The following PAXBP1 variants were observed in gnomAD, a reference collection of about 807,000 sequenced individuals.
The protein encoded by PAXBP1 is PAX3- and PAX7-binding protein 1.
PAXBP1 carries 44 observed loss-of-function variants against 119.9 expected under a neutral mutation model. That is an observed-to-expected ratio of 0.37 (90% confidence interval 0.29 to 0.47). The LOEUF (loss-of-function observed/expected upper bound fraction) is 0.47, where lower values mean the gene tolerates loss of function less well. Ranked by LOEUF, PAXBP1 falls within the 20% of genes least tolerant of loss-of-function variation. The probability of loss-of-function intolerance (pLI) is 0.99; values close to 1 mark genes in which losing one functional copy is unlikely to be tolerated. For synonymous variants in PAXBP1, 393 were observed against 406.6 expected (o/e 0.97, Z 0.40); for missense variants, 898 against 1,134.1 (o/e 0.79, Z 2.99).
At chr21:32,756,058 T>G (rs2044038117) in intron 7 of PAXBP1, 1 of 206,312 alleles carries the variant, frequency 4.8e-6, no homozygotes, top group Non-Finnish European at 9.9e-6. Flanking sequence ...TTATAAAAAT[T>G]TCTTTACATG....
At chr21:32,736,662 A>G (rs2043697266) in intron 17 of PAXBP1, among the ~76,000 whole-genome samples, 1 of 152,220 alleles carries the variant, frequency 6.6e-6, no homozygotes, top group African/African-American at 2.4e-5. Flanking sequence ...ATGAAGATAT[A>G]TGAAATTAAA....
At chr21:32,769,759 G>A (rs935023642) in intron 2 of PAXBP1, 55 bp downstream of exon 2, 16 of 1,573,020 alleles carry the variant, frequency 1.0e-5, no homozygotes, top group Non-Finnish European at 1.4e-5. Flanking sequence ...AAATCACTGT[G>A]AGAAAGAGCT....
chr21:32,763,994 C>CAAAAAA (rs5843566), intron 3 of PAXBP1, among the ~76,000 whole-genome samples: 3 of 101,724 alleles, frequency 2.9e-5, no homozygotes, highest in Non-Finnish European at 4.2e-5. Context: ...CCTCAAAAAG[C>CAAAAAA]AAAAAAAAAA....
Position 32,759,971 on chromosome 21 carries a change from T to C in PAXBP1, c.999A>G (p.Glu333=). 1 of 1,613,934 alleles carries C rather than the reference T, an allele frequency of 6.2e-7. No homozygotes were observed. The highest frequency in any genetic ancestry group is 8.5e-7 in the Non-Finnish European group (1 of 1,179,836). Residue 333 remains glutamate, a synonymous_variant, in exon 6 of 18, where the codon GAA becomes GAG. Transcript: ENST00000331923. ...IPQVQASQPA[E]VNMYYQNTYQ... is the part of the protein sequence containing the mutation. ...AAGTGTTCTGGTAGTACATATTCAC[T>C]TCTGCGGGTTGACTGGCTTGAACCT...
intron 11 of PAXBP1, among the ~76,000 whole-genome samples, chr21:32,746,288 G>T (rs1276046809): frequency 6.6e-6 from 1 of 152,154 alleles, no homozygotes; most frequent in Non-Finnish European, 1.5e-5. Flanking sequence ...CAACTAAAGA[G>T]CTTCTACGCA....
chr21:32,762,467 A>C (rs1040637570), intron 3 of PAXBP1, 150 bp from the exon 4 acceptor site: 2 of 1,107,424 alleles, frequency 1.8e-6, no homozygotes, highest in Middle Eastern at 2.9e-4. Flanking sequence ...CTGCAATCCA[A>C]AAGATTGTTA....
intron 10 of PAXBP1, 93 bp from the exon 11 acceptor site, chr21:32,748,791 GT>G: frequency 8.9e-7 from 1 of 1,126,650 alleles, no homozygotes; most frequent in Non-Finnish European, 1.2e-6. Flanking sequence ...TGTAGCTTCA[GT>G]ATCAGAAGAT....
intron 7 of PAXBP1, chr21:32,755,913 C>T (rs1362301172): frequency 5.6e-6 from 1 of 178,200 alleles, no homozygotes; most frequent in Non-Finnish European, 1.2e-5. Flanking sequence ...AGCTTTATTA[C>T]AGATTTTTTA....
intron 8 of PAXBP1, among the ~76,000 whole-genome samples, chr21:32,753,698 A>C (rs1050899081): frequency 6.6e-6 from 1 of 152,222 alleles, no homozygotes; most frequent in Non-Finnish European, 1.5e-5. Context: ...TTTGGCAATT[A>C]ATGTATACTC....
At chr21:32,746,441 A>G (rs1313685698) in intron 11 of PAXBP1, among the ~76,000 whole-genome samples, 1 of 152,216 alleles carries the variant, frequency 6.6e-6, no homozygotes, top group Non-Finnish European at 1.5e-5. Flanking sequence ...AAAGTGGGCA[A>G]AGGACATGAA....
At chr21:32,751,638 G>A (rs947144302) in intron 8 of PAXBP1, 1 of 154,614 alleles carries the variant, frequency 6.5e-6, no homozygotes, top group African/African-American at 2.4e-5. Flanking sequence ...GAAAACATAG[G>A]AAGACATAAG....
At chr21:32,746,404 CT>C (rs1427724068) in intron 11 of PAXBP1, among the ~76,000 whole-genome samples, 1 of 151,870 alleles carries the variant, frequency 6.6e-6, no homozygotes, top group African/African-American at 2.4e-5. Flanking sequence ...CTACAGGAAA[CT>C]TTATAGGAAA....
At chr21:32,756,442 A>G (rs2044043870) in intron 7 of PAXBP1, 1 of 489,146 alleles carries the variant, frequency 2.0e-6, no homozygotes, top group Non-Finnish European at 4.0e-6. Context: ...ATATACTTGC[A>G]TGATTCCATT....
intron 11 of PAXBP1, among the ~76,000 whole-genome samples, chr21:32,747,229 T>C (rs1045084633): frequency 3.3e-5 from 5 of 152,092 alleles, no homozygotes; most frequent in Middle Eastern, 3.4e-3. Context: ...CCCTGGAACT[T>C]AAAAGCCAAA....
Position 32,734,743 on chromosome 21 carries a change from C to T in PAXBP1, c.*207G>A. ...ACTTCAGTAAACAAAGTATGACAGG[C>T]AGTAAAGAAAACATTCATAGACTCC... On this transcript the variant is annotated 3_prime_UTR_variant, in exon 18 of 18. Transcript: ENST00000331923. 1 of 575,222 alleles carries T rather than the reference C, an allele frequency of 1.7e-6. No homozygotes were observed. The highest frequency in any genetic ancestry group is 3.1e-6 in the Non-Finnish European group (1 of 326,492). The allele number at this position is 575,222 out of a possible 1,614,324, so 35.6% of individuals were successfully genotyped here.
intron 10 of PAXBP1, among the ~76,000 whole-genome samples, chr21:32,749,631 A>T (rs1271322427): frequency 6.6e-6 from 1 of 152,176 alleles, no homozygotes; most frequent in African/African-American, 2.4e-5. Context: ...AACATTTGTC[A>T]TGTGCTTTTA....
At chr21:32,767,099 C>G (rs531886641) in intron 2 of PAXBP1, among the ~76,000 whole-genome samples, 119 of 152,296 alleles carry the variant, frequency 7.8e-4, no homozygotes, top group Non-Finnish European at 1.1e-3. Flanking sequence ...CCGCAATAAG[C>G]ACCACCCCCA....
In PAXBP1 at chr21:32,755,239, T is replaced by C. The variant is rs1386719134; in HGVS notation, c.1498A>G (p.Ser500Gly). 6.2e-7 allele frequency: 1 copy of C among 1,612,748 alleles called. No homozygotes were observed. The part of the protein sequence containing the change: ...DIKDESSEFS[S>G]HSNKALMAPN... Reference sequence around the variant, plus strand: ...TTCAAGATGGACTGACTTGAATGGCTTGAAAACTCCGAAGATTCATCTTTA... The same window carrying C: ...TTCAAGATGGACTGACTTGAATGGCCTGAAAACTCCGAAGATTCATCTTTA... Residue 500 changes from serine (S) to glycine (G), a missense_variant, in exon 8 of 18, where the codon AGC becomes GGC. This residue lies in a region of PAXBP1 where 599 missense variants were observed against 852.7 expected (regional missense o/e 0.70). Transcript: ENST00000331923.
rs1328154516 is a variant in PAXBP1, at chr21:32,750,869, G to C, written c.1723+48C>G. 3 of 1,395,838 alleles carry C rather than the reference G, an allele frequency of 2.1e-6. No individual in the cohort carries two copies. The South Asian group carries it at 3.7e-5, about 17-fold the overall frequency. 86.5% of individuals were successfully genotyped at this position (1,395,838 alleles called of 1,614,324 possible). A position where few individuals can be genotyped will look rare whatever the true frequency, so the allele number is the denominator to read the frequency against. On this transcript the variant is annotated intron_variant, in intron 10 of 17. Transcript: ENST00000331923. The stretch of plus-strand genomic sequence containing the variant: ...ATTTCATGGTAAAAACCATACCCAA[G>C]TAGAAACTAAACTGATGATGAGTCT...
Sources: allele counts gnomAD v4.1 joint callset (sites outside exome capture counted in the v4.1 genomes callset), GRCh38; gene constraint gnomAD v4.1.1; regional missense constraint gnomAD v4.1.1; transcripts MANE v1.5; gene names NCBI Gene and HGNC (gene_info 2026-07-23, HGNC 2026-07-21).